CERK: variants seen among roughly 807,000 people sequenced by gnomAD.
CERK encodes ceramide kinase.
CERK carries 39 observed loss-of-function variants against 63.4 expected under a neutral mutation model. The ratio of observed to expected loss-of-function variants is 0.61; its 90% CI spans 0.48 to 0.80. The LOEUF is 0.80. Ranked by LOEUF, CERK falls within the 30% of genes least tolerant of loss-of-function variation. The probability of loss-of-function intolerance (pLI) is 0.00; values close to 1 mark genes in which losing one functional copy is unlikely to be tolerated. For missense variants in CERK, 670 were observed against 714.1 expected (o/e 0.94, Z 0.70); for synonymous variants, 302 against 280.0 (o/e 1.08, Z -0.78).
chr22:46,695,217 G>A lies in CERK; in HGVS notation c.1042C>T (p.Arg348Trp), dbSNP rs577496966. ...ACAAAGCAATGCACTTACCCTGCCC[G>A]GCAGGGCTTCCTATCCCTTGGAGAT... is the stretch of plus-strand genomic sequence containing the variant. ...VGSPRDRKPC[R>W]AGCFVCRQSK... Residue 348 changes from arginine to tryptophan, a missense_variant, in exon 9 of 13, where the codon CGG becomes TGG. Coordinates refer to ENST00000216264, the MANE Select transcript of CERK (RefSeq NM_022766.6). The A allele has an allele frequency of 5.4e-5, 84 of 1,562,402 alleles. 2 individuals carry two copies. In the South Asian group the frequency reaches 5.9e-4, roughly 11 times the overall value.
intron 1 of CERK, among the ~76,000 whole-genome samples, chr22:46,722,095 T>C (rs1204094568): frequency 1.3e-5 from 2 of 152,350 alleles, no homozygotes; most frequent in South Asian, 4.1e-4. Context: ...CTGTTAGGCA[T>C]GTATGATATA....
rs766877316 is a variant in CERK, at chr22:46,707,988, G to T, written c.570C>A (p.Gly190=). The T allele has an allele frequency of 1.2e-6, 2 of 1,601,174 alleles. No individual in the cohort carries two copies. The highest frequency in any genetic ancestry group is 1.7e-6 in the Non-Finnish European group (2 of 1,170,894). The change falls in exon 6 of 13, where the codon GGC becomes GGA. Residue 190 remains glycine (G), a splice_region_variant and synonymous_variant. Transcript: ENST00000216264. ...TACCATCTCCGCCGACACAGACGAT[G>T]CTGCAGGAGGAACACAGCCGGTCAG... The part of the protein sequence containing the change: ...LYEINIDKYD[G]IVCVGGDGMF...
chr22:46,688,592 A>T (rs2082714956), intron 12 of CERK, among the ~76,000 whole-genome samples: 1 of 152,218 alleles, frequency 6.6e-6, no homozygotes, highest in Non-Finnish European at 1.5e-5. Context: ...TCGGATGCGA[A>T]TGGGAGAAGC....
At chr22:46,726,067 C>T (rs1438182980) in intron 1 of CERK, among the ~76,000 whole-genome samples, 1 of 152,226 alleles carries the variant, frequency 6.6e-6, no homozygotes, top group Non-Finnish European at 1.5e-5. Flanking sequence ...GGAGGGCCCA[C>T]GGGTTTCCCG....
At chr22:46,721,379 G>C (rs976222878) in intron 1 of CERK, among the ~76,000 whole-genome samples, 4 of 151,960 alleles carry the variant, frequency 2.6e-5, no homozygotes, top group Non-Finnish European at 2.9e-5. Context: ...TGCAAGCTCT[G>C]CCTCCCGGGT....
chr22:46,711,791 G>A (rs990067940), intron 4 of CERK, among the ~76,000 whole-genome samples: 1 of 152,186 alleles, frequency 6.6e-6, no homozygotes, highest in Non-Finnish European at 1.5e-5. Context: ...TAATCTTACA[G>A]GATAAAAATC....
At position 46,712,192 on chromosome 22, in the gene CERK, C is replaced by A. The variant is rs1346553438; in HGVS notation, c.481G>T (p.Ala161Ser). The A allele has an allele frequency of 6.2e-7, 1 of 1,614,204 alleles. No homozygotes were observed. ...CCGATGATGTCAGTGGTGATGGAGG[C>A]TAAGGTGAACAGTGGTGCCACTTTT... is the stretch of plus-strand genomic sequence containing the variant. ...ERKVAPLFTL[A>S]SITTDIIVTE... The change falls in exon 4 of 13, where the codon GCC becomes TCC. Residue 161 changes from alanine (A) to serine (S), a missense_variant. Ala to Ser is a moderately conservative substitution (Grantham distance 99). Transcript: ENST00000216264.
intron 3 of CERK, among the ~76,000 whole-genome samples, chr22:46,716,505 TAA>T (rs561393380): frequency 7.0e-6 from 1 of 143,302 alleles, no homozygotes. Flanking sequence ...CCCCGTCTCT[TAA>T]AAAAAAAAAA....
At chr22:46,708,312 C>A (rs6520052) in intron 5 of CERK, among the ~76,000 whole-genome samples, 9,426 of 152,298 alleles carry the variant, frequency 0.062, 318 homozygotes, top group Middle Eastern at 0.092. Context: ...CTCAAGTTTG[C>A]GGGGCGGGAA....
At chr22:46,705,593 C>T (rs2082809166) in intron 6 of CERK, among the ~76,000 whole-genome samples, 1 of 152,104 alleles carries the variant, frequency 6.6e-6, no homozygotes, top group Non-Finnish European at 1.5e-5. Flanking sequence ...ATTGCTTAAG[C>T]CCAGGAGGCA....
intron 1 of CERK, 107 bp downstream of exon 1, chr22:46,737,900 T>G: frequency 2.9e-6 from 2 of 696,684 alleles, no homozygotes; most frequent in African/African-American, 1.9e-5. Context: ...GCCCCCGGCC[T>G]TACCACAGCC....
chr22:46,737,957 C>T lies in CERK; in HGVS notation c.142+50G>A, dbSNP rs917959683. 291 of 1,140,562 alleles carry T rather than the reference C, an allele frequency of 2.6e-4. 1 individual carries two copies. In the African/African-American group the frequency reaches 4.5e-3, roughly 18 times the overall value. The allele number at this position is 1,140,562 out of a possible 1,614,324, so 70.7% of individuals were successfully genotyped here. A position where few individuals can be genotyped will look rare whatever the true frequency, so the allele number is the denominator to read the frequency against. On this transcript the variant is annotated intron_variant, in intron 1 of 12. Coordinates refer to ENST00000216264, the MANE Select transcript of CERK (RefSeq NM_022766.6). ...CCCCCAGCCGGGTCCCCCAAGCCGC[C>T]CCCGCTCCCTGGCCAGGTCCGGCCG...
At chr22:46,707,633 GA>G in intron 6 of CERK, among the ~76,000 whole-genome samples, 1 of 152,360 alleles carries the variant, frequency 6.6e-6, no homozygotes, top group Non-Finnish European at 1.5e-5. Context: ...GCCTTTGGGG[GA>G]GTCGGGCAAC....
chr22:46,736,926 C>T (rs923608392), intron 1 of CERK, among the ~76,000 whole-genome samples: 1 of 152,126 alleles, frequency 6.6e-6, no homozygotes, highest in Admixed American at 6.5e-5. Context: ...TCTTGGCCTC[C>T]GCCACACCCA....
chr22:46,710,992 G>GA (rs1486047316), intron 5 of CERK, 94 bp downstream of exon 5: 1 of 956,242 alleles, frequency 1.0e-6, no homozygotes, highest in Non-Finnish European at 1.7e-6. Context: ...GAGGCGGGGG[G>GA]CGGATTTAGG....
chr22:46,696,157 G>A (rs1337572557), intron 8 of CERK, among the ~76,000 whole-genome samples: 2 of 152,206 alleles, frequency 1.3e-5, no homozygotes, highest in Admixed American at 6.5e-5. Flanking sequence ...GCCCAGGGGT[G>A]GGGGAAGCTG....
chr22:46,707,893 G>C lies in CERK; in HGVS notation c.665C>G (p.Pro222Arg). Residue 222 changes from proline (P) to arginine (R), a missense_variant, in exon 6 of 13, where the codon CCC becomes CGC. Physicochemically the swap from Pro to Arg is moderately radical, Grantham distance 103. Transcript: ENST00000216264. Reference protein sequence around the residue: ...QRSAGVDQNHPRAVLVPSSLR... With the variant: ...QRSAGVDQNHRRAVLVPSSLR... ...GCTACTGGGGACCAGCACAGCCCGG[G>C]GGTGGTTCTGGTCGACCCCGGCGCT... The C allele has an allele frequency of 6.2e-7, 1 of 1,613,968 alleles. No individual in the cohort carries two copies. Among genetic ancestry groups the C allele is most frequent in the African/African-American group, 1.3e-5 (1 of 75,044 alleles).
At chr22:46,704,166 G>A (rs923705984) in intron 6 of CERK, among the ~76,000 whole-genome samples, 15 of 152,158 alleles carry the variant, frequency 9.9e-5, no homozygotes, top group African/African-American at 2.9e-4. Context: ...GGCACACAGC[G>A]GTACCCCCAC....
At chr22:46,713,523 A>AAC (rs2082852984) in intron 3 of CERK, among the ~76,000 whole-genome samples, 1 of 150,862 alleles carries the variant, frequency 6.6e-6, no homozygotes. Context: ...AAAAAAAAAA[A>AAC]AAAAAACAAA....
Sources: allele counts gnomAD v4.1 joint callset (sites outside exome capture counted in the v4.1 genomes callset), GRCh38; gene constraint gnomAD v4.1.1; transcripts MANE v1.5; gene names NCBI Gene and HGNC (gene_info 2026-07-23, HGNC 2026-07-21).